PPIP5K2: variants seen among roughly 807,000 people sequenced by gnomAD.
The protein encoded by PPIP5K2 is inositol hexakisphosphate and diphosphoinositol-pentakisphosphate kinase 2.
PPIP5K2 carries 105 observed loss-of-function variants against 154.6 expected under a neutral mutation model. The ratio of observed to expected loss-of-function variants is 0.68; its 90% CI spans 0.58 to 0.80. The LOEUF (loss-of-function observed/expected upper bound fraction) is 0.80, where lower values mean the gene tolerates loss of function less well. PPIP5K2 is among the 30% of genes least tolerant of loss of function. The pLI is 0.00. For synonymous variants in PPIP5K2, 480 were observed against 490.3 expected, an observed-to-expected ratio of 0.98 and a Z score of 0.28; for missense variants, 992 against 1,504.6, an observed-to-expected ratio of 0.66 and a Z score of 5.64.
intron 17 of PPIP5K2, among the ~76,000 whole-genome samples, chr5:103,166,769 A>G (rs146574435): frequency 7.2e-4 from 110 of 152,186 alleles, no homozygotes; most frequent in Admixed American, 1.2e-3. Flanking sequence ...GCTAGAGAAA[A>G]GAAAATGTTA....
At chr5:103,173,758 C>T in intron 20 of PPIP5K2, 100 bp from the exon 21 acceptor site, 1 of 805,798 alleles carries the variant, frequency 1.2e-6, no homozygotes, top group South Asian at 1.6e-5. Context: ...TGGTCTTTTA[C>T]TTCTAGTGAA....
In PPIP5K2 at chr5:103,203,723, A is replaced by C. The variant is rs1463972470; in HGVS notation, c.*2089A>C. ...TAGTCACCCTGAGATATTAATCTTCATAATGTATTATTCAGTTCCTTCACC... is the reference window on the plus strand; with the variant it reads ...TAGTCACCCTGAGATATTAATCTTCCTAATGTATTATTCAGTTCCTTCACC... On this transcript the variant is annotated 3_prime_UTR_variant, in exon 31 of 31. Transcript: ENST00000358359. 3 of 152,240 alleles carry C rather than the reference A, an allele frequency of 2.0e-5. No homozygotes were observed. The highest frequency in any genetic ancestry group is 7.2e-5 in the African/African-American group (3 of 41,468). The allele number at this position is 152,240 out of a possible 1,614,324, so 9.4% of individuals were successfully genotyped here.
chr5:103,184,571 G>A, intron 25 of PPIP5K2, 101 bp from the exon 26 acceptor site: 1 of 818,826 alleles, frequency 1.2e-6, no homozygotes, highest in Non-Finnish European at 2.0e-6. Context: ...TTATCATACA[G>A]CTTATTAACC....
At chr5:103,140,949 A>G (rs1380709529) in intron 5 of PPIP5K2, among the ~76,000 whole-genome samples, 1 of 152,112 alleles carries the variant, frequency 6.6e-6, no homozygotes, top group Non-Finnish European at 1.5e-5. Context: ...TTCTGTCCTT[A>G]TAGGACAGGA....
chr5:103,194,336 T>A (rs1554227778), intron 29 of PPIP5K2, among the ~76,000 whole-genome samples: 1 of 152,146 alleles, frequency 6.6e-6, no homozygotes, highest in African/African-American at 2.4e-5. Flanking sequence ...AAATTTTCAA[T>A]AGAAATGAGG....
At chr5:103,200,320 CT>C (rs1160660914) in intron 30 of PPIP5K2, among the ~76,000 whole-genome samples, 1 of 152,050 alleles carries the variant, frequency 6.6e-6, no homozygotes, top group Non-Finnish European at 1.5e-5. Context: ...TTGTCTTCTG[CT>C]TCTTATGTTG....
Position 103,165,701 on chromosome 5 carries a change from A to C in PPIP5K2, c.1921-1478A>C, listed in dbSNP as rs1239700616. 2.0e-5 allele frequency among the ~76,000 whole-genome samples: 3 copies of C among 152,280 alleles called. No individual in the cohort carries two copies. The East Asian group carries it at 5.8e-4, about 29-fold the overall frequency. On this transcript the variant is annotated intron_variant, in intron 17 of 30. Coordinates refer to ENST00000358359, the MANE Select transcript of PPIP5K2 (RefSeq NM_001276277.3). ...AGTTTCCCGAAGAAATCAGCAGTAT[A>C]CAAATGGATAACTCGTTTTAAGATG...
At chr5:103,149,103 C>A in intron 7 of PPIP5K2, 49 bp from the exon 8 acceptor site, 1 of 1,365,364 alleles carries the variant, frequency 7.3e-7, no homozygotes, top group Non-Finnish European at 9.9e-7. Flanking sequence ...TACACACACA[C>A]ACACACATAC....
intron 19 of PPIP5K2, among the ~76,000 whole-genome samples, chr5:103,171,160 G>C (rs34765): frequency 0.24 from 36,749 of 151,286 alleles, 5,139 homozygotes; most frequent in East Asian, 0.45. Context: ...AACTAGTTCT[G>C]ATAGGTGTTT....
chr5:103,176,904 G>A (rs542958428), intron 21 of PPIP5K2: 4 of 1,450,680 alleles, frequency 2.8e-6, no homozygotes, highest in Admixed American at 2.0e-5. Flanking sequence ...GAATGGTGAA[G>A]GAGATGGTAA....
intron 5 of PPIP5K2, among the ~76,000 whole-genome samples, chr5:103,141,115 C>T (rs1047361716): frequency 2.6e-5 from 4 of 152,116 alleles, no homozygotes; most frequent in South Asian, 2.1e-4. Flanking sequence ...GGGTGGATCA[C>T]GAGGTCAGGA....
intron 6 of PPIP5K2, 124 bp from the exon 7 acceptor site, chr5:103,147,807 T>C (rs1793984554): frequency 1.6e-6 from 1 of 623,536 alleles, no homozygotes; most frequent in Non-Finnish European, 2.8e-6. Context: ...TATTTGTGGA[T>C]TAAAAAATGT....
intron 10 of PPIP5K2, 123 bp downstream of exon 10, chr5:103,152,872 C>G (rs1794844680): frequency 1.7e-6 from 1 of 604,190 alleles, no homozygotes; most frequent in Non-Finnish European, 2.9e-6. Flanking sequence ...TATGATTCAG[C>G]TTGAAGATAG....
At chr5:103,153,565 A>G (rs575807243) in intron 10 of PPIP5K2, among the ~76,000 whole-genome samples, 11 of 152,056 alleles carry the variant, frequency 7.2e-5, no homozygotes, top group Admixed American at 6.5e-4. Flanking sequence ...ATTGTAGTCC[A>G]TCTACTTTTA....
chr5:103,150,381 T>G (rs1345252057), intron 8 of PPIP5K2, among the ~76,000 whole-genome samples: 1 of 152,202 alleles, frequency 6.6e-6, no homozygotes, highest in Non-Finnish European at 1.5e-5. Flanking sequence ...TCTTAGAGCC[T>G]GAGTGGCAAA....
intron 2 of PPIP5K2, 58 bp downstream of exon 2, chr5:103,129,761 T>C: frequency 6.9e-7 from 1 of 1,451,106 alleles, no homozygotes; most frequent in Non-Finnish European, 9.1e-7. Flanking sequence ...GGCTTTTTAC[T>C]AATCACTGTT....
chr5:103,138,939 T>C (rs1431216136), intron 5 of PPIP5K2, among the ~76,000 whole-genome samples: 1 of 152,222 alleles, frequency 6.6e-6, no homozygotes, highest in Non-Finnish European at 1.5e-5. Context: ...AAATACGGAA[T>C]TCGTGGGTCC....
intron 5 of PPIP5K2, among the ~76,000 whole-genome samples, chr5:103,142,524 C>A (rs1259799854): frequency 6.6e-6 from 1 of 152,228 alleles, no homozygotes; most frequent in African/African-American, 2.4e-5. Flanking sequence ...CAAGCGCCGC[C>A]AAAGTGGAAG....
chr5:103,189,205 G>A (rs781961842), intron 28 of PPIP5K2: 145 of 1,531,210 alleles, frequency 9.5e-5, no homozygotes, highest in Non-Finnish European at 3.1e-5. Flanking sequence ...CGTTTCCTCT[G>A]TGGAATTTCT....
Sources: allele counts gnomAD v4.1 joint callset (sites outside exome capture counted in the v4.1 genomes callset), GRCh38; gene constraint gnomAD v4.1.1; transcripts MANE v1.5; gene names NCBI Gene and HGNC (gene_info 2026-07-23, HGNC 2026-07-21).